TAOK3: variants seen among roughly 807,000 people sequenced by gnomAD.
The protein encoded by TAOK3 is TAO kinase 3.
Under a neutral mutation model 120.4 loss-of-function variants are expected in TAOK3, and 40 were observed. The observed-to-expected ratio is 0.33, with a 90% CI of 0.26 to 0.43. The LOEUF (loss-of-function observed/expected upper bound fraction) is 0.43. Ranked by LOEUF, TAOK3 falls within the 20% of genes least tolerant of loss-of-function variation. The probability of loss-of-function intolerance (pLI) is 1.00; values close to 1 mark genes in which losing one functional copy is unlikely to be tolerated. For missense variants in TAOK3, 821 were observed against 1,112.1 expected (o/e 0.74, Z 3.72); for synonymous variants, 355 against 387.5 (o/e 0.92, Z 0.99).
chr12:118,305,878 G>A (rs1310016888), intron 1 of TAOK3, among the ~76,000 whole-genome samples: 9 of 149,830 alleles, frequency 6.0e-5, no homozygotes, highest in Non-Finnish European at 1.3e-4. Context: ...ACTCCAGCCT[G>A]GGCAACAGCA....
chr12:118,162,095 AAGTG>A (rs1393667691), intron 17 of TAOK3, 68 bp from the exon 18 acceptor site: 6 of 1,579,380 alleles, frequency 3.8e-6, no homozygotes, highest in East Asian at 2.3e-5. Context: ...ATGCACAACT[AAGTG>A]AGGGAGGGCA....
At chr12:118,314,934 T>C (rs919081653) in intron 1 of TAOK3, among the ~76,000 whole-genome samples, 5 of 152,012 alleles carry the variant, frequency 3.3e-5, no homozygotes, top group East Asian at 1.9e-4. Flanking sequence ...TTTTCTTTTT[T>C]TTTTTTAAGA....
intron 1 of TAOK3, among the ~76,000 whole-genome samples, chr12:118,342,991 T>C (rs1198711201): frequency 2.3e-4 from 34 of 150,548 alleles, no homozygotes; most frequent in Admixed American, 2.2e-3. Context: ...TGAAGAAGTC[T>C]TGCAATATTT....
intron 9 of TAOK3, among the ~76,000 whole-genome samples, chr12:118,219,770 CTTTTTTTTT>C (rs35568926): frequency 5.1e-5 from 3 of 58,836 alleles, no homozygotes; most frequent in African/African-American, 1.4e-4. Flanking sequence ...ACTTTTTTGG[CTTTTTTTTT>C]TTTTTTTTTT....
intron 1 of TAOK3, among the ~76,000 whole-genome samples, chr12:118,334,626 A>G (rs2044286702): frequency 6.6e-6 from 1 of 152,224 alleles, no homozygotes; most frequent in Non-Finnish European, 1.5e-5. Flanking sequence ...CTGCAATCCC[A>G]GCACTTTGGG....
chr12:118,254,738 C>T (rs977157682), intron 3 of TAOK3, among the ~76,000 whole-genome samples: 3 of 151,888 alleles, frequency 2.0e-5, no homozygotes, highest in Non-Finnish European at 4.4e-5. Context: ...ATGCACAAAG[C>T]TCAACTTCAA....
intron 1 of TAOK3, among the ~76,000 whole-genome samples, chr12:118,276,625 T>TG (rs1184097002): frequency 4.0e-5 from 6 of 151,320 alleles, no homozygotes; most frequent in African/African-American, 9.7e-5. Context: ...TGGCATGAAC[T>TG]GGGGGGGCGG....
Position 118,235,672 on chromosome 12 carries a change from C to T in TAOK3, c.438-1G>A, listed in dbSNP as rs1188098002. 6 of 1,562,152 alleles carry T rather than the reference C, an allele frequency of 3.8e-6. No individual in the cohort carries two copies. The highest frequency in any genetic ancestry group is 5.2e-6 in the Non-Finnish European group (6 of 1,150,318). On this transcript the variant is annotated splice_acceptor_variant, in intron 7 of 20. Transcript: ENST00000392533. LOFTEE classifies it high-confidence loss of function. ...AAGAATATTTCCTGCTTTAATATCC[C>T]TATAGGAAAAAAAAAAAGGGTTAGA...
chr12:118,198,758 G>A (rs983492721), intron 13 of TAOK3: 12 of 393,006 alleles, frequency 3.1e-5, no homozygotes, highest in South Asian at 4.6e-5. Context: ...AAGACTTGAA[G>A]GTCTACAGTA....
intron 15 of TAOK3, 89 bp downstream of exon 15, chr12:118,181,282 C>T (rs547471809): frequency 1.8e-6 from 2 of 1,129,956 alleles, no homozygotes; most frequent in Non-Finnish European, 1.3e-6. Flanking sequence ...TTCCTCCATC[C>T]CCCACTCCTG....
intron 9 of TAOK3, among the ~76,000 whole-genome samples, chr12:118,229,866 G>A (rs1322236344): frequency 2.0e-5 from 3 of 152,128 alleles, no homozygotes; most frequent in Non-Finnish European, 4.4e-5. Flanking sequence ...GGGAGGTGGA[G>A]GTTGCAGTGA....
At chr12:118,265,362 C>T (rs2041400316) in intron 2 of TAOK3, among the ~76,000 whole-genome samples, 1 of 146,514 alleles carries the variant, frequency 6.8e-6, no homozygotes, top group South Asian at 2.2e-4. Context: ...CCACTCCAGC[C>T]TGGGTGACAG....
At chr12:118,273,395 G>A (rs1354069808) in intron 1 of TAOK3, among the ~76,000 whole-genome samples, 4 of 152,142 alleles carry the variant, frequency 2.6e-5, no homozygotes, top group African/African-American at 7.2e-5. Context: ...CCAGCTATTC[G>A]GGAGGCTGAG....
At chr12:118,176,770 AT>A (rs141684719) in intron 16 of TAOK3, among the ~76,000 whole-genome samples, 121 of 145,890 alleles carry the variant, frequency 8.3e-4, no homozygotes, top group Admixed American at 1.1e-3. Flanking sequence ...ATTTTAGGTA[AT>A]TTTTTTTTTT....
intron 19 of TAOK3, among the ~76,000 whole-genome samples, chr12:118,158,068 A>C (rs911988674): frequency 6.6e-6 from 1 of 152,228 alleles, no homozygotes; most frequent in Non-Finnish European, 1.5e-5. Context: ...TGCTAGGTCC[A>C]ATGAACACCT....
At chr12:118,369,869 A>G (rs1793167693) in intron 1 of TAOK3, among the ~76,000 whole-genome samples, 1 of 151,946 alleles carries the variant, frequency 6.6e-6, no homozygotes, top group Non-Finnish European at 1.5e-5. Context: ...GAGGACTTCT[A>G]GTTAGCGGAA....
chr12:118,197,682 C>CTTTTTTT (rs67635506), intron 13 of TAOK3, among the ~76,000 whole-genome samples: 5 of 90,778 alleles, frequency 5.5e-5, no homozygotes, highest in Non-Finnish European at 8.2e-5. Context: ...GCAAAACCTT[C>CTTTTTTT]TTTTTTTTTT....
chr12:118,185,175 T>C lies in TAOK3; in HGVS notation c.1330-3568A>G, dbSNP rs113899591. On this transcript the variant is annotated intron_variant, in intron 14 of 20. Coordinates refer to ENST00000392533, the MANE Select transcript of TAOK3 (RefSeq NM_016281.4). ...ATGTATAATTTCTGAATCTGAATTA[T>C]TACTTATTTCATGTATCTAGAATAT... Among the ~76,000 whole-genome samples, 1,344 of 152,032 alleles carry C rather than the reference T, an allele frequency of 8.8e-3. 22 individuals carry two copies. Among genetic ancestry groups the C allele is most frequent in the African/African-American group, 0.031 (1,302 of 41,490 alleles).
At chr12:118,355,250 T>A (rs1048793722) in intron 1 of TAOK3, among the ~76,000 whole-genome samples, 1 of 152,166 alleles carries the variant, frequency 6.6e-6, no homozygotes. Flanking sequence ...ACAAAAAAAA[T>A]TTTTTTAGCT....
Sources: gnomAD v4.1 joint callset for allele counts (sites outside exome capture counted in the v4.1 genomes callset) on GRCh38, gnomAD v4.1.1 for gene constraint, MANE v1.5 for transcripts, NCBI Gene and HGNC (gene_info 2026-07-23, HGNC 2026-07-21) for gene names.